The following RASSF3 variants were observed in gnomAD, a reference collection of about 807,000 sequenced individuals.
RASSF3 encodes the protein ras association domain-containing protein 3.
A neutral mutation model predicts 19.9 loss-of-function variants in RASSF3; 19 were observed. The observed-to-expected ratio is 0.96, with a 90% CI of 0.67 to 1.40. RASSF3 has a LOEUF of 1.40. Among genes scored for constraint, RASSF3 ranks in the 40% most tolerant of loss-of-function variants. The pLI, the probability that RASSF3 is intolerant of heterozygous loss-of-function variation, is 0.00. For synonymous variants in RASSF3, 110 were observed against 104.2 expected (o/e 1.06, Z -0.34); for missense variants, 306 against 289.8 (o/e 1.06, Z -0.41).
chr12:64,543,628 G>A (rs1342523209), downstream of RASSF3, among the ~76,000 whole-genome samples: 2 of 147,146 alleles, frequency 1.4e-5, no homozygotes, highest in Non-Finnish European at 3.0e-5. Context: ...CCCAAGGGCT[G>A]AGGAGTGCGG....
intron 1 of RASSF3, among the ~76,000 whole-genome samples, chr12:64,659,506 A>G (rs1355176460): frequency 6.6e-6 from 1 of 151,992 alleles, no homozygotes; most frequent in Non-Finnish European, 1.5e-5. Flanking sequence ...GGACTGCTTT[A>G]TTTTGGTTCA....
At chr12:64,659,351 T>G (rs1872264589) in intron 1 of RASSF3, among the ~76,000 whole-genome samples, 1 of 152,224 alleles carries the variant, frequency 6.6e-6, no homozygotes, top group Admixed American at 6.5e-5. Context: ...GAACCTGTAC[T>G]GTCCTCATTC....
intron 1 of RASSF3, among the ~76,000 whole-genome samples, chr12:64,651,066 G>A (rs193220664): frequency 1.3e-5 from 2 of 152,186 alleles, no homozygotes; most frequent in African/African-American, 4.8e-5. Context: ...TTTGAGATTA[G>A]TGTTTGAAAG....
In RASSF3 at chr12:64,662,274, A is replaced by T. The variant is rs181746507; in HGVS notation, c.112-22513A>T. Among the ~76,000 whole-genome samples, 1,064 of 149,764 alleles carry T rather than the reference A, an allele frequency of 7.1e-3. 16 individuals are homozygous for T. Among genetic ancestry groups the T allele is most frequent in the African/African-American group, 0.025 (1,025 of 40,890 alleles). On this transcript the variant is annotated intron_variant, in intron 1 of 4. Transcript: ENST00000542104. The stretch of plus-strand genomic sequence containing the variant: ...TATCTACAAAAAAAAAAAAAAAATT[A>T]GCCAGGCCTGGTGGCGCTTGCCTGT...
intron 1 of RASSF3, among the ~76,000 whole-genome samples, chr12:64,648,313 G>A (rs1871811771): frequency 6.6e-6 from 1 of 152,182 alleles, no homozygotes; most frequent in African/African-American, 2.4e-5. Context: ...ATGTGGAGGT[G>A]GAGAGGCTGA....
At chr12:64,512,848 C>G (rs1474610538) in intron 1 of RASSF3, among the ~76,000 whole-genome samples, 1 of 152,162 alleles carries the variant, frequency 6.6e-6, no homozygotes, top group Non-Finnish European at 1.5e-5. Context: ...AAATCATCCT[C>G]AATAAAGTTA....
intron 1 of RASSF3, among the ~76,000 whole-genome samples, chr12:64,647,412 C>CTTTT (rs10633120): frequency 7.3e-5 from 10 of 136,894 alleles, no homozygotes; most frequent in South Asian, 2.3e-4. Context: ...ATTTTTTTTT[C>CTTTT]TTTTTTTTTT....
chr12:64,683,403 C>G (rs1044531052), intron 1 of RASSF3, among the ~76,000 whole-genome samples: 2 of 152,144 alleles, frequency 1.3e-5, no homozygotes, highest in Non-Finnish European at 2.9e-5. Context: ...CTTTAGACAG[C>G]TAATTATTGG....
At chr12:64,544,181 A>AGCTGT (rs1279883809), downstream of RASSF3, among the ~76,000 whole-genome samples, 41 of 152,234 alleles carry the variant, frequency 2.7e-4, no homozygotes, top group Non-Finnish European at 5.3e-4. Flanking sequence ...GCCCACCGTG[A>AGCTGT]AACGCTCATC....
intron 1 of RASSF3, among the ~76,000 whole-genome samples, chr12:64,535,458 A>G (rs1433109529): frequency 6.7e-6 from 1 of 150,248 alleles, no homozygotes; most frequent in Non-Finnish European, 1.5e-5. Flanking sequence ...TCAACTTCCC[A>G]GGCTCAAGTG....
chr12:64,637,423 CTTTT>C (rs781748041), intron 1 of RASSF3, among the ~76,000 whole-genome samples: 3 of 132,522 alleles, frequency 2.3e-5, no homozygotes, highest in African/African-American at 2.7e-5. Flanking sequence ...TAGTTTCTTT[CTTTT>C]TTTTTTTTTT....
At position 64,547,561 on chromosome 12, in the gene RASSF3, G is replaced by A. The variant is rs148210199; in HGVS notation, c.294+5856G>A. On this transcript the variant is annotated intron_variant, in intron 2 of 5. Coordinates refer to the RASSF3 transcript ENST00000637125. ...CAGCCTGGCAACAGAGTGAGACTCC[G>A]TCTCAAAAAAAAGAGAAAGAAAAAA... Among the ~76,000 whole-genome samples, 600 of 151,872 alleles carry A rather than the reference G, an allele frequency of 4.0e-3. 5 individuals are homozygous for A. The highest frequency in any genetic ancestry group is 0.013 in the African/African-American group (555 of 41,392).
chr12:64,633,354 A>T (rs753113024), intron 1 of RASSF3, among the ~76,000 whole-genome samples: 2 of 152,058 alleles, frequency 1.3e-5, no homozygotes, highest in Non-Finnish European at 2.9e-5. Context: ...ATGGGGATGG[A>T]TCCCTCATGA....
Position 64,688,447 on chromosome 12 carries a change from G to T in RASSF3, c.451G>T (p.Asp151Tyr), listed in dbSNP as rs1008868156. The change falls in exon 3 of 5, where the codon GAC becomes TAC. Residue 151 changes from aspartate to tyrosine, a missense_variant. Transcript: ENST00000542104. ...FALYKRCHRE[D>Y]QVYACKLSDR... ...ACTTTATAAGCGTTGTCACAGGGAA[G>T]ACCAAGGTACGCTGCCAGCTTAAAA... is the stretch of plus-strand genomic sequence containing the variant. 1.9e-6 allele frequency: 3 copies of T among 1,610,822 alleles called. No homozygotes were observed. Among genetic ancestry groups the T allele is most frequent in the African/African-American group, 2.7e-5 (2 of 74,966 alleles).
rs775301512 is a variant in RASSF3, at chr12:64,691,556, C to T, written c.544C>T (p.Leu182Phe). The part of the protein sequence containing the change: ...GPRTDTLSFV[L>F]REHEIGEWEA... ...CAGAACAGACACACTTAGTTTTGTT[C>T]TTCGTGAACATGAAATTGGAGAGGT... is the stretch of plus-strand genomic sequence containing the variant. Residue 182 changes from leucine to phenylalanine, a missense_variant, in exon 4 of 5, where the codon CTT becomes TTT. Coordinates refer to ENST00000542104, the MANE Select transcript of RASSF3 (RefSeq NM_178169.4). 2.5e-6 allele frequency: 4 copies of T among 1,607,756 alleles called. No homozygotes were observed. The South Asian group carries it at 4.4e-5, about 18-fold the overall frequency.
chr12:64,620,553 A>G (rs900627203), intron 1 of RASSF3, among the ~76,000 whole-genome samples: 1 of 152,212 alleles, frequency 6.6e-6, no homozygotes. Context: ...ATTTAAACCC[A>G]GGATTATGGA....
intron 4 of RASSF3, among the ~76,000 whole-genome samples, chr12:64,691,879 T>A (rs1259231640): frequency 6.6e-6 from 1 of 152,180 alleles, no homozygotes; most frequent in Non-Finnish European, 1.5e-5. Flanking sequence ...GAGAGTCATT[T>A]TCACCCCTTC....
intron 2 of RASSF3, 34 bp downstream of exon 2, chr12:64,684,928 T>G (rs1183245151): frequency 1.7e-6 from 2 of 1,201,028 alleles, no homozygotes; most frequent in South Asian, 2.4e-5. Context: ...GGTTGACACC[T>G]GTCAAAAGAC....
At chr12:64,679,175 G>A (rs993585866) in intron 1 of RASSF3, among the ~76,000 whole-genome samples, 2 of 152,162 alleles carry the variant, frequency 1.3e-5, no homozygotes, top group African/African-American at 2.4e-5. Context: ...TGATTCTCCT[G>A]CCTCAGCCTG....
Sources: gnomAD v4.1 joint callset for allele counts (sites outside exome capture counted in the v4.1 genomes callset) on GRCh38, gnomAD v4.1.1 for gene constraint, MANE v1.5 for transcripts, NCBI Gene and HGNC (gene_info 2026-07-23, HGNC 2026-07-21) for gene names.